The following SRBD1 variants were observed in gnomAD, a reference collection of about 807,000 sequenced individuals.
SRBD1 encodes S1 RNA-binding domain-containing protein 1.
Under a neutral mutation model 115.3 loss-of-function variants are expected in SRBD1, and 88 were observed. That is an observed-to-expected ratio of 0.76 (90% CI 0.64 to 0.91). The LOEUF (loss-of-function observed/expected upper bound fraction) is 0.91. Ranked by LOEUF, SRBD1 falls within the 40% of genes least tolerant of loss-of-function variation. SRBD1 has a pLI of 0.00. For synonymous variants in SRBD1, 509 were observed against 407.7 expected, an observed-to-expected ratio of 1.25 and a Z score of -2.99; for missense variants, 1,385 against 1,177.4, an observed-to-expected ratio of 1.18 and a Z score of -2.58.
At chr2:45,491,441 G>T (rs1490225706) in intron 14 of SRBD1, among the ~76,000 whole-genome samples, 1 of 151,986 alleles carries the variant, frequency 6.6e-6, no homozygotes, top group Admixed American at 6.5e-5. Flanking sequence ...TCATCTGGGG[G>T]GATTTTAACT....
chr2:45,470,199 C>T (rs992627334), intron 16 of SRBD1, among the ~76,000 whole-genome samples: 3 of 152,158 alleles, frequency 2.0e-5, no homozygotes, highest in African/African-American at 4.8e-5. Context: ...ATAATCTCTA[C>T]ATGTTGACTA....
chr2:45,554,021 G>C (rs559504034), intron 10 of SRBD1, among the ~76,000 whole-genome samples: 20 of 152,248 alleles, frequency 1.3e-4, no homozygotes, highest in South Asian at 2.1e-4. Context: ...AAAATCTTAA[G>C]ATACAAGAAA....
intron 19 of SRBD1, among the ~76,000 whole-genome samples, chr2:45,404,574 T>C (rs1224870717): frequency 6.6e-6 from 1 of 152,172 alleles, no homozygotes; most frequent in Non-Finnish European, 1.5e-5. Flanking sequence ...ACTTTTAAAG[T>C]ATATCCAGAA....
At chr2:45,527,885 G>A (rs1207137400) in intron 14 of SRBD1, among the ~76,000 whole-genome samples, 1 of 151,728 alleles carries the variant, frequency 6.6e-6, no homozygotes, top group East Asian at 1.9e-4. Context: ...CTTGTTTATA[G>A]GAATCATTGC....
At chr2:45,495,028 G>T (rs1418624516) in intron 14 of SRBD1, among the ~76,000 whole-genome samples, 1 of 151,974 alleles carries the variant, frequency 6.6e-6, no homozygotes, top group African/African-American at 2.4e-5. Context: ...TCCACACCAA[G>T]CCTGGGAGAA....
chr2:45,432,509 A>C (rs571718704), intron 16 of SRBD1, among the ~76,000 whole-genome samples: 1 of 152,306 alleles, frequency 6.6e-6, no homozygotes, highest in East Asian at 1.9e-4. Context: ...CTATGTGTTG[A>C]AAGTATAGAA....
At chr2:45,396,081 G>A (rs1317543186) in intron 19 of SRBD1, among the ~76,000 whole-genome samples, 2 of 151,698 alleles carry the variant, frequency 1.3e-5, no homozygotes, top group Non-Finnish European at 2.9e-5. Context: ...GATTTTTCTC[G>A]TTTAATCATG....
rs1674019119 is a variant in SRBD1 at position 45,599,490 on chromosome 2, T to C, written c.607A>G (p.Ser203Gly). The change falls in exon 4 of 21, where the codon AGT becomes GGT. Residue 203 changes from serine (S) to glycine (G), a missense_variant. Physicochemically the swap from Ser to Gly is moderately conservative, Grantham distance 56. Transcript: ENST00000263736. ...QPVKFPANAN[S>G]TKEEVEMNWD... is the part of the protein sequence containing the mutation. ...TTCATTTCCACCTCCTCTTTAGTAC[T>C]ATTGGCATTTGCTGGAAACTTGACA... The C allele has an allele frequency of 1.9e-6, 3 of 1,614,202 alleles. No individual in the cohort carries two copies. The highest frequency in any genetic ancestry group is 2.5e-6 in the Non-Finnish European group (3 of 1,180,022).
At chr2:45,572,560 G>C (rs1279650431) in intron 9 of SRBD1, among the ~76,000 whole-genome samples, 3 of 151,914 alleles carry the variant, frequency 2.0e-5, no homozygotes, top group Admixed American at 6.6e-5. Context: ...AATATTACAG[G>C]AAGTGCTTCA....
In SRBD1 at chr2:45,599,459, TC is replaced by T. The variant is rs1165327797; in HGVS notation, c.637del (p.Asp213ThrfsTer49). 6.2e-7 allele frequency: 1 copy of T among 1,613,558 alleles called. No homozygotes were observed. Among genetic ancestry groups the T allele is most frequent in the South Asian group, 1.1e-5 (1 of 90,994 alleles). On this transcript the variant is annotated frameshift_variant, in exon 4 of 21. Coordinates refer to ENST00000263736, the MANE Select transcript of SRBD1 (RefSeq NM_018079.5). LOFTEE classifies it high-confidence loss of function. ...AAAGGCTGCACATACCTGTACCATG[TC>T]CCAATTCATTTCCACCTCCTCTTTA... is the stretch of plus-strand genomic sequence containing the variant. ...STKEEVEMNW[D>X]MVQVLSERTN...
At chr2:45,548,997 G>A (rs567262970) in intron 12 of SRBD1, 1 of 152,250 alleles carries the variant, frequency 6.6e-6, no homozygotes, top group East Asian at 1.9e-4. Flanking sequence ...CTACTTCCCT[G>A]GAAATCTCAA....
At chr2:45,602,809 T>C (rs949959336) in intron 2 of SRBD1, among the ~76,000 whole-genome samples, 1 of 152,218 alleles carries the variant, frequency 6.6e-6, no homozygotes, top group Non-Finnish European at 1.5e-5. Flanking sequence ...TGAGACTTCC[T>C]TTACTGAGAT....
chr2:45,551,295 A>T lies in SRBD1; in HGVS notation c.1518-13T>A, dbSNP rs1672291727. The T allele has an allele frequency of 6.3e-7, 1 of 1,580,044 alleles. No homozygotes were observed. On this transcript the variant is annotated splice_polypyrimidine_tract_variant and intron_variant, in intron 11 of 20. Transcript: ENST00000263736. ...TGTTAGTTTGGCTCTTTAGAAATAG[A>T]AGAAAAGAAAAAGTTTTTCATTCAC...
At chr2:45,580,148 G>T in intron 6 of SRBD1, 135 bp from the exon 7 acceptor site, 2 of 694,188 alleles carry the variant, frequency 2.9e-6, no homozygotes, top group Non-Finnish European at 4.3e-6. Flanking sequence ...CTTCAGAGAT[G>T]AATTAAAACT....
rs1363977696 is a variant in SRBD1 at position 45,414,709 on chromosome 2, AGTAT to A, written c.2334-1420_2334-1417del. ...ATACACACACACATAGTGTGTATAT[AGTAT>A]GTATATACACACACACAGTGTGTAT... On this transcript the variant is annotated intron_variant, in intron 18 of 20. Coordinates refer to ENST00000263736, the MANE Select transcript of SRBD1 (RefSeq NM_018079.5). Among the ~76,000 whole-genome samples the A allele has an allele frequency of 4.2e-5, 6 of 143,520 alleles. No individual in the cohort carries two copies. In the East Asian group the frequency reaches 9.9e-4, roughly 24 times the overall value. The allele number at this position is 143,520 out of a possible 152,430, so 94.2% of individuals were successfully genotyped here. A position where few individuals can be genotyped will look rare whatever the true frequency, so the allele number is the denominator to read the frequency against.
chr2:45,494,400 G>T (rs1307446181), intron 14 of SRBD1, among the ~76,000 whole-genome samples: 1 of 151,608 alleles, frequency 6.6e-6, no homozygotes, highest in Non-Finnish European at 1.5e-5. Flanking sequence ...AATTTACCAA[G>T]CTTTCTTTTA....
chr2:45,582,488 T>C (rs572870945), intron 5 of SRBD1, among the ~76,000 whole-genome samples: 1 of 152,196 alleles, frequency 6.6e-6, no homozygotes, highest in African/African-American at 2.4e-5. Context: ...TAATTATAAG[T>C]ATTTTGTGGA....
At chr2:45,430,451 G>C (rs191397025) in intron 16 of SRBD1, among the ~76,000 whole-genome samples, 1 of 152,116 alleles carries the variant, frequency 6.6e-6, no homozygotes, top group Admixed American at 6.5e-5. Flanking sequence ...CAAATATATA[G>C]ACCAATGGAA....
At chr2:45,556,885 T>TA (rs1304995385) in intron 10 of SRBD1, among the ~76,000 whole-genome samples, 1 of 152,204 alleles carries the variant, frequency 6.6e-6, no homozygotes, top group African/African-American at 2.4e-5. Flanking sequence ...GCAAGGGACT[T>TA]ATAATGGTGC....
Sources: allele counts gnomAD v4.1 joint callset (sites outside exome capture counted in the v4.1 genomes callset), GRCh38; gene constraint gnomAD v4.1.1; transcripts MANE v1.5; gene names NCBI Gene and HGNC (gene_info 2026-07-23, HGNC 2026-07-21).